PANX1: variants seen among roughly 807,000 people sequenced by gnomAD.
PANX1 encodes pannexin 1.
Under a neutral mutation model 38.7 loss-of-function variants are expected in PANX1, and 30 were observed. That is an observed-to-expected ratio of 0.78 (90% CI 0.58 to 1.05). The LOEUF (loss-of-function observed/expected upper bound fraction) is 1.05. Ranked by LOEUF, PANX1 falls within the 50% of genes least tolerant of loss-of-function variation. The pLI, the probability that PANX1 is intolerant of heterozygous loss-of-function variation, is 0.00. For synonymous variants in PANX1, 230 were observed against 212.2 expected, an observed-to-expected ratio of 1.08 and a Z score of -0.73; for missense variants, 551 against 517.2, an observed-to-expected ratio of 1.07 and a Z score of -0.63.
In PANX1 at chr11:94,129,340, T is replaced by G; in HGVS notation, c.28T>G (p.Tyr10Asp). ...GGCCATCGCTCAACTGGCCACGGAG[T>G]ACGTGTTCTCGGATTTCTTGCTGAA... MAIAQLATE[Y>D]VFSDFLLKEP... The change falls in exon 1 of 5, where the codon TAC becomes GAC. Residue 10 changes from tyrosine (Y) to aspartate (D), a missense_variant. Physicochemically the swap from Tyr to Asp is radical, Grantham distance 160. Transcript: ENST00000227638. 6.2e-7 allele frequency: 1 copy of G among 1,613,498 alleles called. No homozygotes were observed. The highest frequency in any genetic ancestry group is 1.1e-5 in the South Asian group (1 of 90,992).
intron 2 of PANX1, among the ~76,000 whole-genome samples, chr11:94,164,530 A>T (rs1374305741): frequency 3.3e-5 from 5 of 152,004 alleles, no homozygotes; most frequent in Non-Finnish European, 7.4e-5. Flanking sequence ...TTGATTTCTG[A>T]CCTTGTGGTC....
chr11:94,167,675 A>C (rs981946913), intron 2 of PANX1, among the ~76,000 whole-genome samples: 2 of 152,246 alleles, frequency 1.3e-5, no homozygotes, highest in African/African-American at 4.8e-5. Flanking sequence ...GAACTGACTG[A>C]AAACTGCACC....
chr11:94,135,743 A>G (rs1486406367), intron 1 of PANX1, among the ~76,000 whole-genome samples: 1 of 152,190 alleles, frequency 6.6e-6, no homozygotes, highest in Admixed American at 6.5e-5. Flanking sequence ...GGATTCATAA[A>G]TCTCTTTCAC....
chr11:94,138,090 G>A (rs1054191423), intron 1 of PANX1, among the ~76,000 whole-genome samples: 2 of 151,846 alleles, frequency 1.3e-5, no homozygotes, highest in African/African-American at 4.8e-5. Context: ...CTAATTACAA[G>A]GTCAAAGTAT....
rs767789959 is a variant in PANX1, at chr11:94,176,671, C to T, written c.322-1698C>T. 9.2e-5 allele frequency among the ~76,000 whole-genome samples: 14 copies of T among 151,742 alleles called. No homozygotes were observed. The East Asian group carries it at 9.6e-4, about 10-fold the overall frequency. On this transcript the variant is annotated intron_variant, in intron 2 of 4. Transcript: ENST00000227638. ...GAGGGGAGGGTTTCATGTCAACTTA[C>T]GGCCATCATGGCCTCGTCCATTACA... is the stretch of plus-strand genomic sequence containing the variant.
At chr11:94,134,078 T>A (rs961246809) in intron 1 of PANX1, among the ~76,000 whole-genome samples, 10 of 152,254 alleles carry the variant, frequency 6.6e-5, no homozygotes, top group African/African-American at 2.2e-4. Context: ...TTGTCCCACT[T>A]GATTTATAAG....
At chr11:94,166,379 G>A (rs1033110465) in intron 2 of PANX1, among the ~76,000 whole-genome samples, 4 of 152,138 alleles carry the variant, frequency 2.6e-5, no homozygotes, top group Non-Finnish European at 5.9e-5. Context: ...TGTTTGTCTG[G>A]GAAAGTCTTT....
At chr11:94,162,724 C>T (rs1591519673) in intron 2 of PANX1, among the ~76,000 whole-genome samples, 1 of 152,276 alleles carries the variant, frequency 6.6e-6, no homozygotes, top group African/African-American at 2.4e-5. Context: ...CACCCACTGT[C>T]CTGCCCCCAC....
At chr11:94,160,630 A>T (rs981462465) in intron 2 of PANX1, among the ~76,000 whole-genome samples, 9 of 151,972 alleles carry the variant, frequency 5.9e-5, no homozygotes, top group African/African-American at 2.2e-4. Context: ...TCTGCATGTG[A>T]GATGGTTTTC....
chr11:94,149,702 G>A (rs1369508388), intron 1 of PANX1, among the ~76,000 whole-genome samples: 2 of 152,138 alleles, frequency 1.3e-5, no homozygotes, highest in Non-Finnish European at 2.9e-5. Flanking sequence ...AGAAATTATA[G>A]CACACACTTG....
intron 1 of PANX1, among the ~76,000 whole-genome samples, chr11:94,134,295 A>C (rs1946662784): frequency 6.6e-6 from 1 of 152,148 alleles, no homozygotes; most frequent in Non-Finnish European, 1.5e-5. Flanking sequence ...CTACTCTCAG[A>C]TGCCTCTAGA....
At chr11:94,132,307 A>G (rs1946639209) in intron 1 of PANX1, among the ~76,000 whole-genome samples, 1 of 152,230 alleles carries the variant, frequency 6.6e-6, no homozygotes, top group African/African-American at 2.4e-5. Flanking sequence ...GGATTCATGG[A>G]ACCTGGGCAG....
In PANX1 at chr11:94,177,384, T is replaced by C. The variant is rs528395229; in HGVS notation, c.322-985T>C. Reference sequence around the variant, plus strand: ...CTGATTAGAAGATCACGCAAAAGGATAGTCGAAAGTGACATCAAGGGCCTA... The same window carrying C: ...CTGATTAGAAGATCACGCAAAAGGACAGTCGAAAGTGACATCAAGGGCCTA... On this transcript the variant is annotated intron_variant, in intron 2 of 4. Coordinates refer to ENST00000227638, the MANE Select transcript of PANX1 (RefSeq NM_015368.4). 5.3e-3 allele frequency among the ~76,000 whole-genome samples: 805 copies of C among 151,610 alleles called. 9 individuals carry two copies. The highest frequency in any genetic ancestry group is 0.017 in the African/African-American group (715 of 41,268).
At chr11:94,158,563 G>T (rs1338443999) in intron 2 of PANX1, among the ~76,000 whole-genome samples, 1 of 152,048 alleles carries the variant, frequency 6.6e-6, no homozygotes, top group Non-Finnish European at 1.5e-5. Context: ...TGTTATTGGT[G>T]TATAAGAATG....
chr11:94,145,176 C>T (rs1438880304), intron 1 of PANX1, among the ~76,000 whole-genome samples: 1 of 152,194 alleles, frequency 6.6e-6, no homozygotes, highest in African/African-American at 2.4e-5. Context: ...TGATGCCCCG[C>T]TTTCCCCTTG....
At chr11:94,143,939 G>A (rs1055206462) in intron 1 of PANX1, among the ~76,000 whole-genome samples, 1 of 152,002 alleles carries the variant, frequency 6.6e-6, no homozygotes, top group African/African-American at 2.4e-5. Flanking sequence ...TGTAGAGACG[G>A]GGTCTCACTT....
chr11:94,160,147 C>G (rs1475864646), intron 2 of PANX1, among the ~76,000 whole-genome samples: 6 of 151,906 alleles, frequency 3.9e-5, no homozygotes, highest in African/African-American at 1.5e-4. Flanking sequence ...TTTACTTCAA[C>G]TATGTGGTCA....
At chr11:94,136,683 G>A (rs1197780796) in intron 1 of PANX1, among the ~76,000 whole-genome samples, 4 of 152,082 alleles carry the variant, frequency 2.6e-5, no homozygotes, top group African/African-American at 4.8e-5. Context: ...CAGGAGAATG[G>A]CGTGAACCCG....
At chr11:94,133,196 C>T (rs1361913325) in intron 1 of PANX1, among the ~76,000 whole-genome samples, 1 of 152,200 alleles carries the variant, frequency 6.6e-6, no homozygotes, top group Non-Finnish European at 1.5e-5. Context: ...CCTTCCCTCC[C>T]ACAGCAGTTC....
Sources: allele counts gnomAD v4.1 joint callset (sites outside exome capture counted in the v4.1 genomes callset), GRCh38; gene constraint gnomAD v4.1.1; transcripts MANE v1.5; gene names NCBI Gene and HGNC (gene_info 2026-07-23, HGNC 2026-07-21).